Variants in TOPBP1 observed in about 807,000 individuals in gnomAD.
TOPBP1 encodes DNA topoisomerase 2-binding protein 1.
TOPBP1 carries 28 observed loss-of-function variants against 167.7 expected under a neutral mutation model. The observed-to-expected ratio is 0.17, with a 90% confidence interval of 0.12 to 0.23. TOPBP1 has a LOEUF of 0.23. Ranked by LOEUF, TOPBP1 falls within the 10% of genes least tolerant of loss-of-function variation. The pLI, the probability that TOPBP1 is intolerant of heterozygous loss-of-function variation, is 1.00. For missense variants in TOPBP1, 1,554 were observed against 1,809.6 expected (o/e 0.86, Z 2.56); for synonymous variants, 598 against 611.4 (o/e 0.98, Z 0.32).
At chr3:133,654,718 T>C (rs1559833198) in intron 6 of TOPBP1, among the ~76,000 whole-genome samples, 1 of 152,210 alleles carries the variant, frequency 6.6e-6, no homozygotes, top group South Asian at 2.1e-4. Flanking sequence ...CCAAACTTAA[T>C]AGCAATTTTA....
chr3:133,622,185 G>T (rs973700280), intron 19 of TOPBP1, among the ~76,000 whole-genome samples: 18 of 106,424 alleles, frequency 1.7e-4, no homozygotes, highest in South Asian at 6.2e-4. Flanking sequence ...CACCATTTAT[G>T]TTTTTTTTTT....
chr3:133,657,654 TAC>T, intron 4 of TOPBP1, 142 bp downstream of exon 4: 1 of 515,038 alleles, frequency 1.9e-6, no homozygotes, highest in Non-Finnish European at 3.2e-6. Context: ...TATACATATA[TAC>T]ACACTGTGGT....
chr3:133,607,683 A>T lies in TOPBP1; in HGVS notation c.4425+852T>A, dbSNP rs115166181. The stretch of plus-strand genomic sequence containing the variant: ...GGTCCATCAATAGGAAAATGAATCA[A>T]CTATGGTATATTCAGACAAAGAAAT... On this transcript the variant is annotated intron_variant, in intron 27 of 27. Coordinates refer to ENST00000260810, the MANE Select transcript of TOPBP1 (RefSeq NM_007027.4). Among the ~76,000 whole-genome samples the T allele has an allele frequency of 1.6e-3, 241 of 152,320 alleles. 2 individuals carry two copies. The highest frequency in any genetic ancestry group is 5.2e-3 in the African/African-American group (216 of 41,574).
chr3:133,629,565 T>A (rs11719366), intron 14 of TOPBP1, among the ~76,000 whole-genome samples: 21,941 of 152,072 alleles, frequency 0.14, 1,895 homozygotes, highest in Non-Finnish European at 0.2. Flanking sequence ...AATTTCTTTT[T>A]AAAAAAACTA....
Position 133,640,554 on chromosome 3 carries a change from G to A in TOPBP1, c.2022-384C>T, listed in dbSNP as rs527934921. ...GCCTCCCCAGTACCTAAGACTACAGGTGTACACCACCACACCTGGCTAATT... is the reference window on the plus strand; with the variant it reads ...GCCTCCCCAGTACCTAAGACTACAGATGTACACCACCACACCTGGCTAATT... On this transcript the variant is annotated intron_variant, in intron 12 of 27. Transcript: ENST00000260810. Among the ~76,000 whole-genome samples, 68 of 152,116 alleles carry A rather than the reference G, an allele frequency of 4.5e-4. No homozygotes were observed. The South Asian group carries it at 0.012, about 28-fold the overall frequency.
intron 14 of TOPBP1, among the ~76,000 whole-genome samples, chr3:133,636,945 T>C (rs1045982608): frequency 2.6e-5 from 4 of 152,182 alleles, no homozygotes; most frequent in African/African-American, 4.8e-5. Flanking sequence ...TTGAGTTTAA[T>C]AGTAAAGACA....
rs1576299286 is a variant in TOPBP1 at position 133,633,537 on chromosome 3, C to A, written c.2520+4339G>T. ...TGGACGTGGTGGCTCACACCTATAA[C>A]CCCAACACTTTGGGAGGCCAAGGCA... On this transcript the variant is annotated intron_variant, in intron 14 of 27. Coordinates refer to ENST00000260810, the MANE Select transcript of TOPBP1 (RefSeq NM_007027.4). Among the ~76,000 whole-genome samples, 3 of 152,154 alleles carry A rather than the reference C, an allele frequency of 2.0e-5. No homozygotes were observed. The South Asian group carries it at 6.2e-4, about 32-fold the overall frequency.
intron 27 of TOPBP1, among the ~76,000 whole-genome samples, chr3:133,601,695 T>G (rs187312218): frequency 5.9e-5 from 9 of 152,278 alleles, no homozygotes; most frequent in Admixed American, 2.6e-4. Context: ...AAAGGTTAAA[T>G]GAAAACAACC....
chr3:133,656,533 C>T (rs1353025389), intron 5 of TOPBP1, 143 bp downstream of exon 5: 4 of 745,230 alleles, frequency 5.4e-6, no homozygotes, highest in African/African-American at 3.6e-5. Flanking sequence ...CTTGTAGATT[C>T]TGCTCTTCCG....
intron 16 of TOPBP1, among the ~76,000 whole-genome samples, chr3:133,626,620 C>CT (rs1278762619): frequency 6.6e-6 from 1 of 152,164 alleles, no homozygotes; most frequent in Non-Finnish European, 1.5e-5. Context: ...CTCATGGTAT[C>CT]TGAGTCCCCA....
intron 16 of TOPBP1, among the ~76,000 whole-genome samples, chr3:133,627,077 C>T (rs1935294272): frequency 6.6e-6 from 1 of 152,166 alleles, no homozygotes; most frequent in Admixed American, 6.5e-5. Context: ...TATCTAACCT[C>T]TGCATATTAT....
At chr3:133,602,057 C>T (rs1157859577) in intron 27 of TOPBP1, among the ~76,000 whole-genome samples, 2 of 152,172 alleles carry the variant, frequency 1.3e-5, no homozygotes, top group Non-Finnish European at 2.9e-5. Flanking sequence ...GCCTGTTAAA[C>T]AACACAGTAC....
At chr3:133,609,816 T>C (rs1281728509) in intron 25 of TOPBP1, among the ~76,000 whole-genome samples, 2 of 152,236 alleles carry the variant, frequency 1.3e-5, no homozygotes, top group Non-Finnish European at 2.9e-5. Flanking sequence ...TCTCAGGTGT[T>C]GCTTCATAGC....
intron 10 of TOPBP1, among the ~76,000 whole-genome samples, chr3:133,646,084 T>C (rs369543606): frequency 1.5e-3 from 231 of 151,880 alleles, no homozygotes; most frequent in African/African-American, 5.3e-3. Flanking sequence ...AAGGCAGAGG[T>C]TGCAGTGAGC....
rs1936001979 is a variant in TOPBP1 at position 133,644,297 on chromosome 3, G to C, written c.1571C>G (p.Ser524Cys). 1 of 1,613,346 alleles carries C rather than the reference G, an allele frequency of 6.2e-7. No homozygotes were observed. Among genetic ancestry groups the C allele is most frequent in the Non-Finnish European group, 8.5e-7 (1 of 1,179,614 alleles). The part of the protein sequence containing the change: ...DSTHAEPLND[S>C]THISLQEENQ... Reference sequence around the variant, plus strand: ...TTCTTCTTGCAAAGAAATGTGAGTAGAATCATTCAAGGGCTCAGCATGAGT... The same window carrying C: ...TTCTTCTTGCAAAGAAATGTGAGTACAATCATTCAAGGGCTCAGCATGAGT... The change falls in exon 11 of 28, where the codon TCT (serine) becomes TGT (cysteine). Residue 524 changes from serine (S) to cysteine (C), a missense_variant. Physicochemically the swap from Ser to Cys is moderately radical, Grantham distance 112. This residue lies in a region of TOPBP1 where 1,197 missense variants were observed against 1,351.5 expected (regional missense o/e 0.89). Coordinates refer to ENST00000260810, the MANE Select transcript of TOPBP1 (RefSeq NM_007027.4).
rs771577254 is a variant in TOPBP1, at chr3:133,640,080, T to C, written c.2112A>G (p.Lys704=). 1.2e-6 allele frequency: 2 copies of C among 1,613,914 alleles called. No individual in the cohort carries two copies. Among genetic ancestry groups the C allele is most frequent in the Admixed American group, 1.7e-5 (1 of 59,978 alleles). The part of the protein sequence containing the change: ...HLILKERGGS[K]YEAAKKWNLP... ...AATTCCACTTCTTTGCAGCTTCATA[T>C]TTAGAGCCACCACGTTCTTTCAGTA... Residue 704 remains lysine, a synonymous_variant, in exon 13 of 28, where the codon AAA becomes AAG. Coordinates refer to ENST00000260810, the MANE Select transcript of TOPBP1 (RefSeq NM_007027.4).
In TOPBP1 at chr3:133,657,790, A is replaced by ATATC. The variant is rs1350946800; in HGVS notation, c.363+4_363+7dup. ...AAATTGATCAATCATCATGAGATCAATATCTACCCTTTTTTCTTTTTCCAG... is the reference window on the plus strand; with the variant it reads ...AAATTGATCAATCATCATGAGATCAATATCTATCTACCCTTTTTTCTTTTTCCAG... On this transcript the variant is annotated splice_region_variant and intron_variant, in intron 4 of 27. Transcript: ENST00000260810. 7 of 1,536,540 alleles carry ATATC rather than the reference A, an allele frequency of 4.6e-6. No homozygotes were observed. The highest frequency in any genetic ancestry group is 5.2e-6 in the Non-Finnish European group (6 of 1,148,200).
chr3:133,612,059 T>TA (rs1474536260), intron 24 of TOPBP1, among the ~76,000 whole-genome samples: 1 of 151,250 alleles, frequency 6.6e-6, no homozygotes, highest in Non-Finnish European at 1.5e-5. Context: ...TTTTTTTTTT[T>TA]AGATAGGGTC....
At position 133,638,145 on chromosome 3, in the gene TOPBP1, C is replaced by T. The variant is rs939754087; in HGVS notation, c.2251G>A (p.Glu751Lys). 1.2e-6 allele frequency: 2 copies of T among 1,613,218 alleles called. No homozygotes were observed. The highest frequency in any genetic ancestry group is 1.1e-5 in the South Asian group (1 of 91,046). The part of the protein sequence containing the change: ...STKEERSLET[E>K]ITNGINLNSD... The stretch of plus-strand genomic sequence containing the variant: ...TTTAGATTGATTCCATTTGTTATTT[C>T]TGTTTCCAAACTTCGTTCTAGAGAT... Residue 751 changes from glutamate to lysine, a missense_variant, in exon 14 of 28, where the codon GAA becomes AAA. Physicochemically the swap from Glu to Lys is moderately conservative, Grantham distance 56 (BLOSUM62 1). This residue lies in a region of TOPBP1 where 1,197 missense variants were observed against 1,351.5 expected (regional missense o/e 0.89). Transcript: ENST00000260810.
Sources: allele counts gnomAD v4.1 joint callset (sites outside exome capture counted in the v4.1 genomes callset), GRCh38; gene constraint gnomAD v4.1.1; regional missense constraint gnomAD v4.1.1; transcripts MANE v1.5; gene names NCBI Gene and HGNC (gene_info 2026-07-23, HGNC 2026-07-21).